The following UBE2D1 variants were observed in gnomAD, a reference collection of about 807,000 sequenced individuals.
The protein encoded by UBE2D1 is ubiquitin conjugating enzyme E2 D1.
Under a neutral mutation model 24.6 loss-of-function variants are expected in UBE2D1, and 9 were observed. That is an observed-to-expected ratio of 0.37 (90% CI 0.22 to 0.64). The LOEUF (loss-of-function observed/expected upper bound fraction) is 0.64. Among genes scored for constraint, UBE2D1 ranks in the 30% least tolerant of loss-of-function variants. UBE2D1 has a pLI of 0.64. For synonymous variants in UBE2D1, 57 were observed against 57.6 expected (o/e 0.99, Z 0.04); for missense variants, 87 against 177.1 (o/e 0.49, Z 2.89).
At chr10:58,351,504 T>G (rs946463034) in intron 1 of UBE2D1, among the ~76,000 whole-genome samples, 2 of 152,204 alleles carry the variant, frequency 1.3e-5, no homozygotes, top group Non-Finnish European at 2.9e-5. Context: ...TATCACTGTC[T>G]TCCACCTCTA....
At chr10:58,341,678 G>A (rs960535744) in intron 1 of UBE2D1, among the ~76,000 whole-genome samples, 11 of 152,220 alleles carry the variant, frequency 7.2e-5, no homozygotes, top group African/African-American at 2.2e-4. Context: ...GCAAAATAGC[G>A]TCCTTACTCG....
At chr10:58,362,213 A>G (rs1840206958) in intron 3 of UBE2D1, among the ~76,000 whole-genome samples, 1 of 152,200 alleles carries the variant, frequency 6.6e-6, no homozygotes, top group African/African-American at 2.4e-5. Context: ...TGACAGCTCA[A>G]ATCTACTTTC....
In UBE2D1 at chr10:58,347,523, G is replaced by C. The variant is rs569301382; in HGVS notation, c.24+12298G>C. 4.6e-5 allele frequency among the ~76,000 whole-genome samples: 7 copies of C among 152,206 alleles called. No homozygotes were observed. In the East Asian group the frequency reaches 9.6e-4, roughly 21 times the overall value. Reference sequence around the variant, plus strand: ...AAGTAGAGGCAAGATAGCATTTTGGGAAATTGAATCATTATGCCTGGTGCA... The same window carrying C: ...AAGTAGAGGCAAGATAGCATTTTGGCAAATTGAATCATTATGCCTGGTGCA... On this transcript the variant is annotated intron_variant, in intron 1 of 6. Coordinates refer to ENST00000373910, the MANE Select transcript of UBE2D1 (RefSeq NM_003338.5).
At chr10:58,352,513 G>A (rs1017851124) in intron 1 of UBE2D1, among the ~76,000 whole-genome samples, 2 of 148,086 alleles carry the variant, frequency 1.4e-5, no homozygotes, top group Non-Finnish European at 3.0e-5. Context: ...CTTGGGGAGG[G>A]TAGGGCGGGA....
intron 1 of UBE2D1, among the ~76,000 whole-genome samples, chr10:58,346,381 A>G (rs1480116411): frequency 2.0e-5 from 3 of 152,182 alleles, no homozygotes; most frequent in African/African-American, 7.2e-5. Context: ...GTTTGTCATT[A>G]TAATTTTGAT....
At position 58,363,701 on chromosome 10, in the gene UBE2D1, A is replaced by G. The variant is rs1564562424; in HGVS notation, c.198+15A>G. 1.7e-5 allele frequency: 27 copies of G among 1,563,322 alleles called. No individual in the cohort carries two copies. Among genetic ancestry groups the G allele is most frequent in the South Asian group, 2.3e-5 (2 of 88,386 alleles). On this transcript the variant is annotated intron_variant, in intron 4 of 6. Coordinates refer to ENST00000373910, the MANE Select transcript of UBE2D1 (RefSeq NM_003338.5). The stretch of plus-strand genomic sequence containing the variant: ...AACCACCAAAGGTATTTTTATTTTT[A>G]TGATTGATGTGACTCCCATGTAAGA...
chr10:58,337,427 C>T (rs987133380), intron 1 of UBE2D1, among the ~76,000 whole-genome samples: 2 of 152,076 alleles, frequency 1.3e-5, no homozygotes, highest in South Asian at 2.1e-4. Flanking sequence ...TGCCGCCTGC[C>T]GTATGAACAG....
At chr10:58,367,069 A>AC (rs914391302) in intron 5 of UBE2D1, among the ~76,000 whole-genome samples, 8 of 151,776 alleles carry the variant, frequency 5.3e-5, no homozygotes, top group Middle Eastern at 3.4e-3. Flanking sequence ...AGTTCATAAC[A>AC]CCCCCCCACC....
intron 1 of UBE2D1, among the ~76,000 whole-genome samples, chr10:58,350,045 G>A (rs1411900220): frequency 6.6e-6 from 1 of 152,116 alleles, no homozygotes; most frequent in Non-Finnish European, 1.5e-5. Context: ...TGGACTTTGG[G>A]TTGCTTCTGG....
intron 1 of UBE2D1, among the ~76,000 whole-genome samples, chr10:58,351,298 T>G (rs1036618774): frequency 2.6e-5 from 4 of 152,050 alleles, no homozygotes; most frequent in African/African-American, 7.3e-5. Flanking sequence ...TTTTTGACTC[T>G]TTTGTAATAG....
intron 1 of UBE2D1, among the ~76,000 whole-genome samples, chr10:58,339,219 C>G (rs371820032): frequency 4.6e-5 from 7 of 152,246 alleles, no homozygotes; most frequent in African/African-American, 1.7e-4. Flanking sequence ...GACCCTCCCA[C>G]CTCAGCCTCC....
At chr10:58,364,905 T>A in intron 5 of UBE2D1, 29 bp downstream of exon 5, 1 of 1,550,118 alleles carries the variant, frequency 6.5e-7, no homozygotes, top group Non-Finnish European at 8.9e-7. Flanking sequence ...TTTGAAACAG[T>A]TGATAACAGT....
intron 4 of UBE2D1, among the ~76,000 whole-genome samples, chr10:58,364,207 G>A (rs1041575258): frequency 1.3e-5 from 2 of 152,026 alleles, no homozygotes; most frequent in African/African-American, 4.8e-5. Context: ...ATATCAGGGA[G>A]GGGAAAAGTG....
At chr10:58,345,308 TA>T (rs969974165) in intron 1 of UBE2D1, among the ~76,000 whole-genome samples, 6 of 150,814 alleles carry the variant, frequency 4.0e-5, no homozygotes, top group East Asian at 3.9e-4. Flanking sequence ...CCATTTATTT[TA>T]AAAAAAAAAT....
intron 5 of UBE2D1, 43 bp downstream of exon 5, chr10:58,364,919 A>G (rs780689112): frequency 1.3e-6 from 2 of 1,491,526 alleles, no homozygotes; most frequent in Non-Finnish European, 1.9e-6. Flanking sequence ...TAACAGTGAG[A>G]CAGGAAAAAT....
rs1169539210 is a variant in UBE2D1, at chr10:58,370,018, T to C, written c.*1253T>C. The stretch of plus-strand genomic sequence containing the variant: ...ATTTTAAAATCTAGAATTTCTAAAA[T>C]GGAATTTAATGCCATCACAATTTGA... On this transcript the variant is annotated 3_prime_UTR_variant, in exon 7 of 7. Coordinates refer to ENST00000373910, the MANE Select transcript of UBE2D1 (RefSeq NM_003338.5). 2.0e-5 allele frequency: 3 copies of C among 151,676 alleles called. No homozygotes were observed. Among genetic ancestry groups the C allele is most frequent in the East Asian group, 1.9e-4 (1 of 5,276 alleles). 9.4% of individuals were successfully genotyped at this position (151,676 alleles called of 1,614,324 possible). A position where few individuals can be genotyped will look rare whatever the true frequency, so the allele number is the denominator to read the frequency against.
At position 58,368,891 on chromosome 10, in the gene UBE2D1, T is replaced by A; in HGVS notation, c.*126T>A. 1.8e-6 allele frequency: 1 copy of A among 541,360 alleles called. No homozygotes were observed. The highest frequency in any genetic ancestry group is 3.0e-6 in the Non-Finnish European group (1 of 337,192). The allele number at this position is 541,360 out of a possible 1,614,324, so 33.5% of individuals were successfully genotyped here. ...GAAACCATTTGATTTTTACCCATTT[T>A]AAATGTGTTTCTGAAGCAAGACAAA... On this transcript the variant is annotated 3_prime_UTR_variant, in exon 7 of 7. Coordinates refer to ENST00000373910, the MANE Select transcript of UBE2D1 (RefSeq NM_003338.5).
chr10:58,345,109 C>A (rs536729247), intron 1 of UBE2D1, among the ~76,000 whole-genome samples: 41 of 152,122 alleles, frequency 2.7e-4, no homozygotes, highest in African/African-American at 9.4e-4. Context: ...AAGTGATCCA[C>A]CCGCCTTGGC....
chr10:58,359,023 A>G (rs1840164929), intron 1 of UBE2D1, among the ~76,000 whole-genome samples: 1 of 151,260 alleles, frequency 6.6e-6, no homozygotes, highest in Non-Finnish European at 1.5e-5. Flanking sequence ...TAAAAAAAAA[A>G]AAAAAAAAAG....
Sources: allele counts gnomAD v4.1 joint callset (sites outside exome capture counted in the v4.1 genomes callset), GRCh38; gene constraint gnomAD v4.1.1; transcripts MANE v1.5; gene names NCBI Gene and HGNC (gene_info 2026-07-23, HGNC 2026-07-21).